The following STAB2 variants were observed in gnomAD, a reference collection of about 807,000 sequenced individuals.
STAB2 encodes the protein stabilin-2.
STAB2 carries 288 observed loss-of-function variants against 338.1 expected under a neutral mutation model. The ratio of observed to expected loss-of-function variants is 0.85; its 90% CI spans 0.77 to 0.94. The LOEUF (loss-of-function observed/expected upper bound fraction) is 0.94. Ranked by LOEUF, STAB2 falls within the 40% of genes least tolerant of loss-of-function variation. STAB2 has a pLI of 0.00. For synonymous variants in STAB2, 1,202 were observed against 1,193.3 expected, an observed-to-expected ratio of 1.01 and a Z score of -0.15; for missense variants, 3,141 against 3,210.1, an observed-to-expected ratio of 0.98 and a Z score of 0.52.
At chr12:103,763,321 T>G (rs1413733584) in intron 67 of STAB2, 171 bp from the exon 68 acceptor site, 1 of 636,948 alleles carries the variant, frequency 1.6e-6, no homozygotes, top group Non-Finnish European at 2.8e-6. Context: ...GTCACTGAGC[T>G]GAATCTAAAG....
intron 68 of STAB2, among the ~76,000 whole-genome samples, chr12:103,765,801 C>T (rs1884908382): frequency 6.6e-6 from 1 of 152,282 alleles, no homozygotes; most frequent in South Asian, 2.1e-4. Flanking sequence ...CTCAGCCTCC[C>T]GAAGTGCTGG....
chr12:103,676,066 T>G (rs1297561172), intron 24 of STAB2, 45 bp downstream of exon 24: 1 of 1,402,444 alleles, frequency 7.1e-7, no homozygotes, highest in Admixed American at 2.4e-5. Context: ...TTCTTTTTTT[T>G]TTTTTTTTTT....
intron 3 of STAB2, among the ~76,000 whole-genome samples, chr12:103,616,530 A>G (rs1433725641): frequency 6.6e-6 from 1 of 152,228 alleles, no homozygotes; most frequent in Non-Finnish European, 1.5e-5. Context: ...GGATTTAGGC[A>G]TCATTGCCTG....
intron 49 of STAB2, among the ~76,000 whole-genome samples, chr12:103,731,063 T>TA (rs1369871972): frequency 6.6e-6 from 1 of 152,034 alleles, no homozygotes; most frequent in Non-Finnish European, 1.5e-5. Flanking sequence ...AGATCCTGTC[T>TA]AAAAAAGTTT....
intron 9 of STAB2, among the ~76,000 whole-genome samples, chr12:103,643,733 A>G (rs1873087492): frequency 6.6e-6 from 1 of 152,020 alleles, no homozygotes; most frequent in Non-Finnish European, 1.5e-5. Context: ...GGGTTGTTGC[A>G]TTAGAAAAGA....
intron 2 of STAB2, among the ~76,000 whole-genome samples, chr12:103,592,686 TC>T (rs1956817853): frequency 6.6e-6 from 1 of 152,118 alleles, no homozygotes; most frequent in Non-Finnish European, 1.5e-5. Flanking sequence ...AAAAGTTTTC[TC>T]CCCCCTCTTT....
intron 15 of STAB2, among the ~76,000 whole-genome samples, chr12:103,658,363 C>T (rs929423983): frequency 3.3e-5 from 5 of 152,148 alleles, no homozygotes; most frequent in African/African-American, 9.7e-5. Context: ...GTTCGAGCCA[C>T]ACTGGAGTGA....
chr12:103,742,651 G>A, intron 56 of STAB2, 97 bp downstream of exon 56: 2 of 1,563,148 alleles, frequency 1.3e-6, no homozygotes, highest in South Asian at 2.4e-5. Context: ...GCATCCTTTT[G>A]TCCTTTCTCT....
At chr12:103,643,388 C>A (rs1245624120) in intron 9 of STAB2, among the ~76,000 whole-genome samples, 1 of 152,182 alleles carries the variant, frequency 6.6e-6, no homozygotes, top group Non-Finnish European at 1.5e-5. Context: ...CGTGCTCTTC[C>A]TTCCACTTAG....
At position 103,707,007 on chromosome 12, in the gene STAB2, CAGAGG is replaced by C; in HGVS notation, c.4192+22_4192+26del. On this transcript the variant is annotated intron_variant, in intron 38 of 68. Transcript: ENST00000388887. ...ACCAAGGTGAGCACCGTCCTCTCCA[CAGAGG>C]ATCTTGGGCTGCTGAAACCAACCAG... The C allele has an allele frequency of 6.2e-7, 1 of 1,611,772 alleles. No individual in the cohort carries two copies. The highest frequency in any genetic ancestry group is 8.5e-7 in the Non-Finnish European group (1 of 1,178,410).
At chr12:103,757,947 G>A in intron 63 of STAB2, 1 of 593,222 alleles carries the variant, frequency 1.7e-6, no homozygotes, top group South Asian at 2.2e-5. Context: ...GTGGAGGATG[G>A]GCTGTGACGT....
chr12:103,650,187 G>T (rs1248535190), intron 10 of STAB2, among the ~76,000 whole-genome samples: 1 of 151,956 alleles, frequency 6.6e-6, no homozygotes, highest in Admixed American at 6.6e-5. Context: ...TTAAGCGCAG[G>T]ATCAGGGACC....
At chr12:103,598,369 A>G (rs904152256) in intron 3 of STAB2, among the ~76,000 whole-genome samples, 4 of 152,230 alleles carry the variant, frequency 2.6e-5, no homozygotes, top group African/African-American at 9.6e-5. Context: ...ATTTGCTGAC[A>G]GCTTATAATG....
intron 58 of STAB2, among the ~76,000 whole-genome samples, chr12:103,748,083 T>C (rs564419907): frequency 6.6e-6 from 1 of 152,172 alleles, no homozygotes; most frequent in Non-Finnish European, 1.5e-5. Flanking sequence ...ACATGTACTT[T>C]CTAATATTTT....
rs1427191149 is a variant in STAB2 at position 103,739,464 on chromosome 12, C to T, written c.5750C>T (p.Pro1917Leu). 6.3e-7 allele frequency: 1 copy of T among 1,584,956 alleles called. No individual in the cohort carries two copies. Among genetic ancestry groups the T allele is most frequent in the Non-Finnish European group, 8.6e-7 (1 of 1,165,892 alleles). Residue 1917 changes from proline to leucine, a missense_variant, in exon 54 of 69, where the codon CCA becomes CTA. Physicochemically the swap from Pro to Leu is moderately conservative, Grantham distance 98. Coordinates refer to ENST00000388887, the MANE Select transcript of STAB2 (RefSeq NM_017564.10). ...CCCAGCTGCCCAAGGTGGAGTAAAC[C>T]AAAGGTAATTAAGACTGCAGTGATA... ...NTPSCPRWSK[P>L]KGVKQKCLYN...
intron 9 of STAB2, among the ~76,000 whole-genome samples, chr12:103,646,788 A>G (rs1023475185): frequency 1.3e-5 from 2 of 152,218 alleles, no homozygotes; most frequent in African/African-American, 4.8e-5. Context: ...AGGAATTATT[A>G]TAGTTGGGAT....
At chr12:103,753,157 A>G in intron 60 of STAB2, 63 bp from the exon 61 acceptor site, 2 of 1,596,288 alleles carry the variant, frequency 1.3e-6, no homozygotes, top group South Asian at 1.1e-5. Flanking sequence ...TTCAGAGTCC[A>G]TTGTTGGAAA....
rs775381171 is a variant in STAB2 at position 103,735,499 on chromosome 12, T to A, written c.5469T>A (p.Ala1823=). 11 of 1,609,080 alleles carry A rather than the reference T, an allele frequency of 6.8e-6. No individual in the cohort carries two copies. The highest frequency in any genetic ancestry group is 9.3e-6 in the Non-Finnish European group (11 of 1,178,156). Residue 1823 remains alanine (A), a synonymous_variant, in exon 52 of 69, where the codon GCT becomes GCA. Transcript: ENST00000388887. ...TGCCATCACTCCTACAGGTTTTAGC[T>A]GTGGATCTTCCCACATCCACTGCCT... is the stretch of plus-strand genomic sequence containing the variant. ...FHVIRDAKVL[A]VDLPTSTAWK... is the part of the protein sequence containing the mutation.
intron 33 of STAB2, among the ~76,000 whole-genome samples, chr12:103,697,786 A>G (rs916823787): frequency 2.0e-5 from 3 of 152,258 alleles, no homozygotes; most frequent in African/African-American, 7.2e-5. Context: ...GGTAGCAATC[A>G]CAGGATTCAC....
Sources: allele counts gnomAD v4.1 joint callset (sites outside exome capture counted in the v4.1 genomes callset), GRCh38; gene constraint gnomAD v4.1.1; transcripts MANE v1.5; gene names NCBI Gene and HGNC (gene_info 2026-07-23, HGNC 2026-07-21).